ZNF248: variants seen among roughly 807,000 people sequenced by gnomAD.
ZNF248 encodes KRAB protein domain.
Under a neutral mutation model 44.3 loss-of-function variants are expected in ZNF248, and 20 were observed. That is an observed-to-expected ratio of 0.45 (90% CI 0.32 to 0.66). The LOEUF (loss-of-function observed/expected upper bound fraction) is 0.66, where lower values mean the gene tolerates loss of function less well. Among genes scored for constraint, ZNF248 ranks in the 30% least tolerant of loss-of-function variants. The pLI is 0.04. For missense variants in ZNF248, 654 were observed against 677.0 expected, an observed-to-expected ratio of 0.97 and a Z score of 0.38; for synonymous variants, 224 against 229.0, an observed-to-expected ratio of 0.98 and a Z score of 0.20.
intron 3 of ZNF248, among the ~76,000 whole-genome samples, chr10:37,838,386 A>G (rs2057667156): frequency 6.6e-6 from 1 of 152,222 alleles, no homozygotes; most frequent in Non-Finnish European, 1.5e-5. Context: ...ACACAGAATA[A>G]CATTTATTAA....
At chr10:37,844,669 T>A (rs183243071) in intron 3 of ZNF248, among the ~76,000 whole-genome samples, 1 of 152,286 alleles carries the variant, frequency 6.6e-6, no homozygotes, top group Non-Finnish European at 1.5e-5. Flanking sequence ...TAAACTAGAT[T>A]GTTATAAATG....
chr10:37,826,022 A>G (rs2054329872), downstream of ZNF248, among the ~76,000 whole-genome samples: 1 of 152,158 alleles, frequency 6.6e-6, no homozygotes, highest in Non-Finnish European at 1.5e-5. Flanking sequence ...CCTAAAAGTG[A>G]GCCATTGATA....
At chr10:37,762,054 C>G in the ZNF248 span, among the ~76,000 whole-genome samples, 1 of 152,150 alleles carries the variant, frequency 6.6e-6, no homozygotes, top group Non-Finnish European at 1.5e-5. Context: ...TGTATTGTCT[C>G]AAATCTCATT....
intron 6 of ZNF248, among the ~76,000 whole-genome samples, chr10:37,807,244 A>C (rs1471805673): frequency 6.6e-6 from 1 of 151,888 alleles, no homozygotes; most frequent in Non-Finnish European, 1.5e-5. Context: ...TTGGCTTTCT[A>C]TTCTTTTTCA....
Position 37,808,653 on chromosome 10 carries a change from G to C in ZNF248, c.330+24372C>G, listed in dbSNP as rs79531615. Reference sequence around the variant, plus strand: ...CATTTGTTGAAGATTGTTGCATTAGGGTTCATAAGGGATATTACTGTGCAG... The same window carrying C: ...CATTTGTTGAAGATTGTTGCATTAGCGTTCATAAGGGATATTACTGTGCAG... On this transcript the variant is annotated intron_variant, in intron 6 of 6. Transcript: ENST00000615949. Among the ~76,000 whole-genome samples the C allele has an allele frequency of 6.1e-3, 927 of 152,078 alleles. 10 individuals are homozygous for C. The highest frequency in any genetic ancestry group is 0.021 in the African/African-American group (886 of 41,470).
intron 6 of ZNF248, among the ~76,000 whole-genome samples, chr10:37,811,698 T>A (rs1177204743): frequency 6.7e-6 from 1 of 149,322 alleles, no homozygotes; most frequent in Non-Finnish European, 1.5e-5. Flanking sequence ...ATATATATAT[T>A]AGTCAGGTGT....
intron 3 of ZNF248, among the ~76,000 whole-genome samples, chr10:37,839,376 G>A (rs200929): frequency 3.9e-5 from 6 of 152,066 alleles, no homozygotes; most frequent in Admixed American, 6.6e-5. Flanking sequence ...CAATACATCA[G>A]TAACAACTGA....
intron 3 of ZNF248, among the ~76,000 whole-genome samples, chr10:37,852,049 A>G (rs909809178): frequency 5.3e-5 from 8 of 152,170 alleles, no homozygotes; most frequent in African/African-American, 1.9e-4. Flanking sequence ...GGAGTTTGAG[A>G]CCAGCCTGAC....
chr10:37,780,374 T>C (rs1419960597), intron 6 of ZNF248, among the ~76,000 whole-genome samples: 9 of 152,200 alleles, frequency 5.9e-5, no homozygotes, highest in Admixed American at 3.9e-4. Flanking sequence ...TATCTACAAC[T>C]ATCTGATCTT....
At chr10:37,772,555 T>C (rs975018097), downstream of ZNF248, among the ~76,000 whole-genome samples, 91 of 152,178 alleles carry the variant, frequency 6.0e-4, no homozygotes, top group African/African-American at 2.1e-3. Context: ...ATTATGTAAA[T>C]ATGGGTAAAT....
chr10:37,764,297 C>T, the ZNF248 span, among the ~76,000 whole-genome samples: 12 of 152,176 alleles, frequency 7.9e-5, no homozygotes, highest in African/African-American at 1.7e-4. Flanking sequence ...TCTATTAGGA[C>T]GAGCAAATTC....
intron 6 of ZNF248, chr10:37,819,108 CTG>C (rs1236655401): frequency 1.3e-6 from 1 of 783,704 alleles, no homozygotes; most frequent in East Asian, 2.5e-5. Flanking sequence ...TCTCCACACA[CTG>C]TACCATTTAC....
intron 6 of ZNF248, among the ~76,000 whole-genome samples, chr10:37,822,651 CA>C (rs1337414669): frequency 2.0e-5 from 3 of 149,240 alleles, no homozygotes; most frequent in East Asian, 1.9e-4. Flanking sequence ...CAATCTTGAT[CA>C]GGGGTGTCCA....
At chr10:37,843,473 G>A (rs542196094) in intron 3 of ZNF248, among the ~76,000 whole-genome samples, 9 of 150,930 alleles carry the variant, frequency 6.0e-5, no homozygotes, top group African/African-American at 7.3e-5. Flanking sequence ...TTGGGGAAGC[G>A]TAAAAATCTG....
At chr10:37,818,090 G>A (rs925577992) in intron 6 of ZNF248, among the ~76,000 whole-genome samples, 6 of 151,872 alleles carry the variant, frequency 4.0e-5, no homozygotes, top group Non-Finnish European at 8.8e-5. Context: ...TAATTTTTTT[G>A]TATTTTTAGT....
the ZNF248 span, among the ~76,000 whole-genome samples, chr10:37,763,360 C>G: frequency 6.6e-6 from 1 of 152,204 alleles, no homozygotes; most frequent in Non-Finnish European, 1.5e-5. Flanking sequence ...CTTCAAGGAG[C>G]CTGGCTCCAG....
chr10:37,775,866 C>G (rs2132773664), downstream of ZNF248, among the ~76,000 whole-genome samples: 1 of 152,276 alleles, frequency 6.6e-6, no homozygotes, highest in East Asian at 1.9e-4. Flanking sequence ...TTGCTTCTAA[C>G]TCAGTTGCAA....
Position 37,831,594 on chromosome 10 carries a change from G to A in ZNF248, c.*21C>T, listed in dbSNP as rs759970097. The A allele has an allele frequency of 6.2e-7, 1 of 1,602,418 alleles. No homozygotes were observed. Among genetic ancestry groups the A allele is most frequent in the Non-Finnish European group, 8.5e-7 (1 of 1,172,846 alleles). ...TGAAACTGTATAACCAATTTCACAA[G>A]TGTATGAAGGCTTCTAACATTCAGG... is the stretch of plus-strand genomic sequence containing the variant. On this transcript the variant is annotated 3_prime_UTR_variant, in exon 6 of 6. Coordinates refer to ENST00000395867, the MANE Select transcript of ZNF248 (RefSeq NM_021045.3).
intron 3 of ZNF248, among the ~76,000 whole-genome samples, chr10:37,848,138 T>C (rs1589905488): frequency 6.6e-6 from 1 of 152,040 alleles, no homozygotes; most frequent in African/African-American, 2.4e-5. Context: ...CTGCCCATAG[T>C]GGCACACACC....
Sources: allele counts gnomAD v4.1 joint callset (sites outside exome capture counted in the v4.1 genomes callset), GRCh38; gene constraint gnomAD v4.1.1; transcripts MANE v1.5; gene names NCBI Gene and HGNC (gene_info 2026-07-23, HGNC 2026-07-21).